Variants in PRRC2C observed in about 807,000 individuals in gnomAD.
PRRC2C encodes protein PRRC2C.
A neutral mutation model predicts 317.2 loss-of-function variants in PRRC2C; 72 were observed. That is an observed-to-expected ratio of 0.23 (90% CI 0.19 to 0.28). The LOEUF (loss-of-function observed/expected upper bound fraction) is 0.28. Among genes scored for constraint, PRRC2C ranks in the 10% least tolerant of loss-of-function variants. The probability of loss-of-function intolerance (pLI) is 1.00; values close to 1 mark genes in which losing one functional copy is unlikely to be tolerated. For missense variants in PRRC2C, 3,074 were observed against 3,459.7 expected, an observed-to-expected ratio of 0.89 and a Z score of 2.80; for synonymous variants, 1,296 against 1,205.9, an observed-to-expected ratio of 1.07 and a Z score of -1.55.
At chr1:171,582,283 ACTT>A (rs1453471220) in intron 28 of PRRC2C, among the ~76,000 whole-genome samples, 2 of 152,226 alleles carry the variant, frequency 1.3e-5, no homozygotes, top group Non-Finnish European at 2.9e-5. Context: ...AGAGCAATCC[ACTT>A]CTTAGGGAGA....
At position 171,537,410 on chromosome 1, in the gene PRRC2C, A is replaced by G. The variant is rs773331167; in HGVS notation, c.2441A>G (p.Tyr814Cys). 6.3e-7 allele frequency: 1 copy of G among 1,589,732 alleles called. No individual in the cohort carries two copies. Among genetic ancestry groups the G allele is most frequent in the East Asian group, 2.3e-5 (1 of 44,142 alleles). The change falls in exon 15 of 35, where the codon TAT becomes TGT. Residue 814 changes from tyrosine to cysteine, a missense_variant. Physicochemically the swap from Tyr to Cys is radical, Grantham distance 194. Coordinates refer to ENST00000647382, the MANE Select transcript of PRRC2C (RefSeq NM_001387844.1). ...EPRMLWGSDP[Y>C]PHAEPQQATT... ...CGTATGCTGTGGGGGTCAGATCCCT[A>G]TCCTCATGCTGAGCCTCAACAAGCA... is the stretch of plus-strand genomic sequence containing the variant.
intron 1 of PRRC2C, among the ~76,000 whole-genome samples, chr1:171,504,983 A>G (rs1019300193): frequency 2.0e-5 from 3 of 151,258 alleles, no homozygotes; most frequent in Non-Finnish European, 2.9e-5. Flanking sequence ...TTCAATGTGT[A>G]GGTCTTACGT....
At chr1:171,529,337 C>A (rs924856221) in intron 11 of PRRC2C, among the ~76,000 whole-genome samples, 2 of 152,136 alleles carry the variant, frequency 1.3e-5, no homozygotes, top group African/African-American at 4.8e-5. Context: ...CAACAATCAA[C>A]TCAACATCTC....
intron 20 of PRRC2C, among the ~76,000 whole-genome samples, chr1:171,565,793 A>G (rs899310028): frequency 3.3e-5 from 5 of 152,208 alleles, no homozygotes; most frequent in African/African-American, 4.8e-5. Context: ...TGTTTGCTCT[A>G]TGTTACCAAT....
At chr1:171,554,257 TAAAGTCTGTTTTATC>T (rs1183632654) in intron 18 of PRRC2C, among the ~76,000 whole-genome samples, 1 of 152,222 alleles carries the variant, frequency 6.6e-6, no homozygotes, top group Admixed American at 6.5e-5. Flanking sequence ...TTTGTTGGTT[TAAAGTCTGTTTTATC>T]AGAGACTAGG....
At position 171,557,690 on chromosome 1, in the gene PRRC2C, T is replaced by G; in HGVS notation, c.5578T>G (p.Ser1860Ala). 6.4e-7 allele frequency: 1 copy of G among 1,551,226 alleles called. No homozygotes were observed. The highest frequency in any genetic ancestry group is 1.2e-5 in the South Asian group (1 of 84,046). ...CCCAGCTTCTGTCACCATTCTTGCC[T>G]CAGCCTCAATTCCCATTCTTGCTTC... ...STPASVTILA[S>A]ASIPILASAL... Residue 1860 changes from serine (S) to alanine (A), a missense_variant, in exon 19 of 35, where the codon TCA becomes GCA. Transcript: ENST00000647382.
chr1:171,537,236 T>C, intron 14 of PRRC2C, 27 bp from the exon 15 acceptor site: 1 of 1,516,696 alleles, frequency 6.6e-7, no homozygotes, highest in East Asian at 2.4e-5. Context: ...AATCCTCATT[T>C]CACCTTTTTC....
intron 28 of PRRC2C, among the ~76,000 whole-genome samples, chr1:171,582,578 C>T (rs910323230): frequency 6.6e-6 from 1 of 152,116 alleles, no homozygotes. Context: ...GGCTATAAAC[C>T]CGTGCAGCAT....
At chr1:171,533,090 A>C in intron 12 of PRRC2C, 129 bp downstream of exon 12, 1 of 938,442 alleles carries the variant, frequency 1.1e-6, no homozygotes, top group Non-Finnish European at 1.5e-6. Context: ...TAGCATTTGC[A>C]GTACAAAATA....
intron 1 of PRRC2C, among the ~76,000 whole-genome samples, chr1:171,499,782 C>T (rs562904976): frequency 2.6e-5 from 4 of 151,852 alleles, no homozygotes; most frequent in South Asian, 2.1e-4. Flanking sequence ...CCAGCCTGGG[C>T]GACAAAGTGG....
At position 171,566,618 on chromosome 1, in the gene PRRC2C, C is replaced by T. The variant is rs1462999703; in HGVS notation, c.6333C>T (p.Asn2111=). ...QKLPDLSPVE[N]KEHKPGPIGK... is the part of the protein sequence containing the mutation. ...TTCCAGATTTGAGTCCAGTAGAAAA[C>T]AAAGAACACAAACCTGGTCCCATTG... is the stretch of plus-strand genomic sequence containing the variant. Residue 2111 remains asparagine, a synonymous_variant, in exon 22 of 35, where the codon AAC becomes AAT. Transcript: ENST00000647382. 1 of 1,593,000 alleles carries T rather than the reference C, an allele frequency of 6.3e-7. No individual in the cohort carries two copies.
intron 11 of PRRC2C, among the ~76,000 whole-genome samples, chr1:171,530,297 G>T (rs1344659119): frequency 6.9e-6 from 1 of 145,344 alleles, no homozygotes; most frequent in East Asian, 2.0e-4. Context: ...TGTTGCCGAG[G>T]CTGGAGCAAG....
chr1:171,492,738 T>TTTTTTTTATTTATTTA (rs145937281), intron 1 of PRRC2C, among the ~76,000 whole-genome samples: 17 of 144,356 alleles, frequency 1.2e-4, no homozygotes, highest in African/African-American at 4.1e-4. Flanking sequence ...ATTTTTTTAA[T>TTTTTTTTATTTATTTA]TTTATTTATT....
intron 1 of PRRC2C, among the ~76,000 whole-genome samples, chr1:171,492,834 CTCTGCCTCCCAGGTTCAAGCAATTCT>C (rs998437630): frequency 7.2e-5 from 11 of 151,864 alleles, no homozygotes; most frequent in Non-Finnish European, 1.5e-4. Flanking sequence ...TCACTGCAAC[CTCTGCCTCCCAGGTTCAAGCAATTCT>C]TCTGCCTCAG....
rs1224432988 is a variant in PRRC2C at position 171,532,757 on chromosome 1, A to T, written c.1669A>T (p.Met557Leu). Residue 557 changes from methionine (M) to leucine (L), a missense_variant, in exon 12 of 35, where the codon ATG (methionine) becomes TTG (leucine). By Grantham distance (15) the Met-to-Leu change is conservative. Transcript: ENST00000647382. The part of the protein sequence containing the change: ...LEKEQEKQRE[M>L]EKERKQEKEK... The stretch of plus-strand genomic sequence containing the variant: ...GAAGGAGCAGGAAAAACAAAGAGAA[A>T]TGGAGAAAGAAAGAAAGCAAGAAAA... 6.5e-7 allele frequency: 1 copy of T among 1,535,026 alleles called. No homozygotes were observed. The highest frequency in any genetic ancestry group is 8.7e-7 in the Non-Finnish European group (1 of 1,143,656).
chr1:171,512,361 A>C, intron 2 of PRRC2C, 161 bp downstream of exon 2: 1 of 566,058 alleles, frequency 1.8e-6, no homozygotes, highest in Non-Finnish European at 3.3e-6. Context: ...ATATGTGATA[A>C]ACATCTTATA....
chr1:171,523,378 C>G (rs756018930), intron 8 of PRRC2C, 24 bp downstream of exon 8: 1 of 1,613,712 alleles, frequency 6.2e-7, no homozygotes. Context: ...TTAATTAAGT[C>G]CTTTAAATTG....
chr1:171,555,282 G>A (rs1273496722), intron 18 of PRRC2C, among the ~76,000 whole-genome samples: 1 of 152,136 alleles, frequency 6.6e-6, no homozygotes, highest in African/African-American at 2.4e-5. Flanking sequence ...CATGTGTCAC[G>A]TAGCTCTCGT....
chr1:171,570,201 G>A (rs1687061), intron 23 of PRRC2C, among the ~76,000 whole-genome samples: 123,618 of 152,198 alleles, frequency 0.81, 50,302 homozygotes, highest in Middle Eastern at 0.9. Context: ...AGTTAAAAAC[G>A]AATGTCCTTC....
Sources: allele counts gnomAD v4.1 joint callset (sites outside exome capture counted in the v4.1 genomes callset), GRCh38; gene constraint gnomAD v4.1.1; transcripts MANE v1.5; gene names NCBI Gene and HGNC (gene_info 2026-07-23, HGNC 2026-07-21).